TULP4: variants seen among roughly 807,000 people sequenced by gnomAD.
TULP4 encodes TUB like protein 4, also known as tubby-related protein 4.
A neutral mutation model predicts 129.0 loss-of-function variants in TULP4; 16 were observed. The ratio of observed to expected loss-of-function variants is 0.12; its 90% CI spans 0.08 to 0.19. The LOEUF is 0.19. Ranked by LOEUF, TULP4 falls within the 10% of genes least tolerant of loss-of-function variation. The pLI is 1.00. For synonymous variants in TULP4, 998 were observed against 854.0 expected, an observed-to-expected ratio of 1.17 and a Z score of -2.94; for missense variants, 1,842 against 2,059.1, an observed-to-expected ratio of 0.89 and a Z score of 2.04.
At chr6:158,451,516 C>T (rs1168523492) in intron 4 of TULP4, among the ~76,000 whole-genome samples, 1 of 152,202 alleles carries the variant, frequency 6.6e-6, no homozygotes, top group Non-Finnish European at 1.5e-5. Flanking sequence ...GTCCATGGTC[C>T]ATCATGGCCC....
intron 6 of TULP4, among the ~76,000 whole-genome samples, chr6:158,465,111 T>C (rs1779526146): frequency 6.6e-6 from 1 of 152,162 alleles, no homozygotes; most frequent in African/African-American, 2.4e-5. Context: ...CCCAAAGGGA[T>C]GGGGGCAATT....
At chr6:158,388,324 T>TG (rs1777499932) in intron 1 of TULP4, among the ~76,000 whole-genome samples, 3 of 101,518 alleles carry the variant, frequency 3.0e-5, no homozygotes, top group Non-Finnish European at 6.7e-5. Context: ...TCGTTTTTCT[T>TG]TTTTTTTTTT....
At chr6:158,239,457 G>A (rs1583664532) in intron 1 of TULP4, among the ~76,000 whole-genome samples, 1 of 66,402 alleles carries the variant, frequency 1.5e-5, no homozygotes, top group Admixed American at 1.5e-4. Flanking sequence ...GGCCGGGTGG[G>A]GGGCTGACCC....
intron 1 of TULP4, among the ~76,000 whole-genome samples, chr6:158,392,109 G>C (rs1777597250): frequency 6.6e-6 from 1 of 152,170 alleles, no homozygotes; most frequent in African/African-American, 2.4e-5. Context: ...ACATGGCTAG[G>C]GAGGCCTCAC....
Position 158,503,417 on chromosome 6 carries a change from A to C in TULP4, c.3754A>C (p.Ser1252Arg). ...PMYPGSSTCS[S>R]LQLPPVALHP... ...GTACCCAGGAAGCAGCACGTGCTCT[A>C]GTTTACAGCTGCCACCTGTCGCCTT... is the stretch of plus-strand genomic sequence containing the variant. The change falls in exon 13 of 14, where the codon AGT becomes CGT. Residue 1252 changes from serine to arginine, a missense_variant. Physicochemically the swap from Ser to Arg is moderately radical, Grantham distance 110. Coordinates refer to ENST00000367097, the MANE Select transcript of TULP4 (RefSeq NM_020245.5). The surrounding 1 kb of genome is among the most constrained non-coding windows in gnomAD (Gnocchi z 4.3). 6.2e-7 allele frequency: 1 copy of C among 1,613,898 alleles called. No homozygotes were observed.
At chr6:158,316,515 C>T (rs1226381629) in intron 1 of TULP4, among the ~76,000 whole-genome samples, 1 of 152,110 alleles carries the variant, frequency 6.6e-6, no homozygotes, top group African/African-American at 2.4e-5. Flanking sequence ...TTATGTTTTA[C>T]AAATAATATA....
intron 1 of TULP4, among the ~76,000 whole-genome samples, chr6:158,346,151 T>G (rs1321563001): frequency 3.9e-5 from 6 of 152,206 alleles, no homozygotes; most frequent in Non-Finnish European, 8.8e-5. Flanking sequence ...GTGCACTGAT[T>G]TCATATTGTT....
At chr6:158,238,421 T>G (rs1287716656) in intron 1 of TULP4, 31 of 490,404 alleles carry the variant, frequency 6.3e-5, no homozygotes, top group Middle Eastern at 5.7e-4. Flanking sequence ...AATTGTTTTT[T>G]TTTTTTTTTT....
intron 1 of TULP4, among the ~76,000 whole-genome samples, chr6:158,297,063 T>C (rs1393226497): frequency 6.6e-6 from 1 of 152,134 alleles, no homozygotes; most frequent in African/African-American, 2.4e-5. Flanking sequence ...CTGAGGGTAC[T>C]GCAGGAGACC....
chr6:158,408,653 G>C (rs561043244), intron 1 of TULP4, among the ~76,000 whole-genome samples: 6 of 152,256 alleles, frequency 3.9e-5, no homozygotes, highest in African/African-American at 1.4e-4. Context: ...AGTGAATGAC[G>C]AGGCCCGGAG....
intron 3 of TULP4, among the ~76,000 whole-genome samples, chr6:158,440,935 A>G (rs1366135451): frequency 6.6e-6 from 1 of 152,228 alleles, no homozygotes; most frequent in East Asian, 1.9e-4. Flanking sequence ...GCCCTTTGTT[A>G]TCTCTGGACT....
rs771610737 is a variant in TULP4, at chr6:158,502,041, G to A, written c.2378G>A (p.Arg793Gln). The change falls in exon 13 of 14, where the codon CGA (arginine) becomes CAA (glutamine). Residue 793 changes from arginine (R) to glutamine (Q), a missense_variant. By Grantham distance (43) the Arg-to-Gln change is conservative (BLOSUM62 1). Coordinates refer to ENST00000367097, the MANE Select transcript of TULP4 (RefSeq NM_020245.5). The part of the protein sequence containing the change: ...MQLSTVGHGD[R>Q]DHEHLQKSAK... ...CTGTCCACGGTGGGCCATGGAGACC[G>A]AGACCACGAACACCTGCAGAAGTCA... 1.1e-5 allele frequency: 18 copies of A among 1,613,444 alleles called. No individual in the cohort carries two copies. Among genetic ancestry groups the A allele is most frequent in the South Asian group, 2.2e-5 (2 of 91,004 alleles).
chr6:158,241,636 C>G (rs1488298784), intron 1 of TULP4, among the ~76,000 whole-genome samples: 1 of 152,160 alleles, frequency 6.6e-6, no homozygotes, highest in Non-Finnish European at 1.5e-5. Flanking sequence ...GCTCTGTCAC[C>G]CAGGCTGGAG....
At position 158,239,486 on chromosome 6, in the gene TULP4, C is replaced by T. The variant is rs1333714524; in HGVS notation, n.68+7183C>T. ...CTGACCCCCCCACCTCCCTCCCGGACGGGGAGGCTGGCCGGGCAGAGGGGC... is the reference window on the plus strand; with the variant it reads ...CTGACCCCCCCACCTCCCTCCCGGATGGGGAGGCTGGCCGGGCAGAGGGGC... On this transcript the variant is annotated intron_variant and non_coding_transcript_variant, in intron 1 of 1. Transcript: ENST00000620026. Among the ~76,000 whole-genome samples the T allele has an allele frequency of 6.2e-5, 4 of 64,698 alleles. 1 individual carries two copies. Among genetic ancestry groups the T allele is most frequent in the South Asian group, 1.1e-3 (2 of 1,752 alleles). 42.4% of individuals were successfully genotyped at this position (64,698 alleles called of 152,430 possible).
chr6:158,480,041 C>G, intron 7 of TULP4, 66 bp downstream of exon 7: 1 of 1,324,648 alleles, frequency 7.5e-7, no homozygotes, highest in Non-Finnish European at 1.1e-6. Context: ...AGAGCCAGGG[C>G]AGAGACAGGT....
At chr6:158,232,205 C>T (rs1777608868), upstream of TULP4, 1 of 148,288 alleles carries the variant, frequency 6.7e-6, no homozygotes, top group East Asian at 1.9e-4. Context: ...GGAGACTCGG[C>T]CGAGACGCGG....
chr6:158,335,979 T>C (rs193266736), intron 1 of TULP4, among the ~76,000 whole-genome samples: 32 of 152,376 alleles, frequency 2.1e-4, no homozygotes, highest in Admixed American at 1.8e-3. Flanking sequence ...TGCATTGTAA[T>C]GTGAAGACAT....
At chr6:158,269,672 T>G (rs1179121933) in intron 1 of TULP4, among the ~76,000 whole-genome samples, 2 of 152,272 alleles carry the variant, frequency 1.3e-5, no homozygotes, top group Non-Finnish European at 2.9e-5. Context: ...TTCCAGATTT[T>G]AAACATTGCT....
chr6:158,323,133 C>T (rs2128487994), intron 1 of TULP4, among the ~76,000 whole-genome samples: 1 of 152,282 alleles, frequency 6.6e-6, no homozygotes, highest in South Asian at 2.1e-4. Context: ...CTGACAAGGA[C>T]AAGGACCTAT....
Sources: gnomAD v4.1 joint callset for allele counts (sites outside exome capture counted in the v4.1 genomes callset) on GRCh38, gnomAD v4.1.1 for gene constraint, Gnocchi (gnomAD v3.1) non-coding constraint, MANE v1.5 for transcripts, NCBI Gene and HGNC (gene_info 2026-07-23, HGNC 2026-07-21) for gene names.